Variants in PLXNA2 observed in about 807,000 individuals in gnomAD.
The protein encoded by PLXNA2 is plexin-A2.
Under a neutral mutation model 193.5 loss-of-function variants are expected in PLXNA2, and 91 were observed. The ratio of observed to expected loss-of-function variants is 0.47; its 90% confidence interval spans 0.40 to 0.56. The LOEUF is 0.56. PLXNA2 is among the 20% of genes least tolerant of loss of function. PLXNA2 has a pLI of 0.00. For synonymous variants in PLXNA2, 997 were observed against 1,027.3 expected (o/e 0.97, Z 0.56); for missense variants, 1,995 against 2,503.2 (o/e 0.80, Z 4.33).
intron 8 of PLXNA2, among the ~76,000 whole-genome samples, chr1:208,093,709 G>A (rs140691160): frequency 6.6e-6 from 1 of 152,352 alleles, no homozygotes; most frequent in Non-Finnish European, 1.5e-5. Context: ...GCATGGAACA[G>A]TAGGATATGT....
At chr1:208,207,881 G>A (rs139424380) in intron 3 of PLXNA2, among the ~76,000 whole-genome samples, 4 of 152,298 alleles carry the variant, frequency 2.6e-5, no homozygotes, top group East Asian at 1.9e-4. Context: ...CATAGAAACC[G>A]CCAAAGAAAG....
At chr1:208,226,954 AGCCTTCTGT>A (rs1671529943) in intron 1 of PLXNA2, among the ~76,000 whole-genome samples, 1 of 152,206 alleles carries the variant, frequency 6.6e-6, no homozygotes, top group Admixed American at 6.5e-5. Context: ...GGAGCACTCC[AGCCTTCTGT>A]GCAAACGGAG....
chr1:208,221,564 C>T (rs911845660), intron 1 of PLXNA2, among the ~76,000 whole-genome samples: 2 of 152,102 alleles, frequency 1.3e-5, no homozygotes, highest in African/African-American at 4.8e-5. Flanking sequence ...TGTCATTGGA[C>T]ACTGGAGTCA....
chr1:208,163,372 A>C (rs1669194552), intron 3 of PLXNA2, among the ~76,000 whole-genome samples: 2 of 152,218 alleles, frequency 1.3e-5, no homozygotes, highest in Non-Finnish European at 2.9e-5. Flanking sequence ...TAAAAGTCTC[A>C]GCCTGGGCTG....
intron 4 of PLXNA2, among the ~76,000 whole-genome samples, chr1:208,123,641 C>A (rs1667874656): frequency 6.6e-6 from 1 of 152,216 alleles, no homozygotes; most frequent in Non-Finnish European, 1.5e-5. Context: ...TCCAAAGTGA[C>A]AATTCCCAGT....
chr1:208,224,081 G>A lies in PLXNA2; in HGVS notation c.-80-6079C>T, dbSNP rs575239520. Among the ~76,000 whole-genome samples, 46 of 152,286 alleles carry A rather than the reference G, an allele frequency of 3.0e-4. 1 individual carries two copies. The highest frequency in any genetic ancestry group is 4.8e-4 in the African/African-American group (20 of 41,556). ...TGTACGTGCAAGCATTCTGAGCATCGCTCTGTCTAACACCGACCTTAGAGG... is the reference window on the plus strand; with the variant it reads ...TGTACGTGCAAGCATTCTGAGCATCACTCTGTCTAACACCGACCTTAGAGG... On this transcript the variant is annotated intron_variant, in intron 1 of 31. Coordinates refer to ENST00000367033, the MANE Select transcript of PLXNA2 (RefSeq NM_025179.4).
In PLXNA2 at chr1:208,096,839, G is replaced by A. The variant is rs149213633; in HGVS notation, c.1776C>T (p.Ile592=). The A allele has an allele frequency of 2.3e-3, 3,775 of 1,614,008 alleles. 6 individuals are homozygous for A. Among genetic ancestry groups the A allele is most frequent in the Non-Finnish European group, 2.9e-3 (3,442 of 1,179,998 alleles). The part of the protein sequence containing the change: ...VSDAPDLSAG[I]ACAFGNLTEV... Reference sequence around the variant, plus strand: ...CTGTCAGGTTCCCAAAGGCACAGGCGATACCCGCAGATAGATCAGGAGCAT... The same window carrying A: ...CTGTCAGGTTCCCAAAGGCACAGGCAATACCCGCAGATAGATCAGGAGCAT... Residue 592 remains isoleucine, a synonymous_variant, in exon 7 of 32, where the codon ATC becomes ATT. Coordinates refer to ENST00000367033, the MANE Select transcript of PLXNA2 (RefSeq NM_025179.4).
rs199906891 is a variant in PLXNA2 at position 208,028,030 on chromosome 1, A to G, written c.5568T>C (p.Tyr1856=). Residue 1856 remains tyrosine, a synonymous_variant, in exon 31 of 32, where the codon TAT becomes TAC. Transcript: ENST00000367033. This position sits in a 1 kb window ranked among gnomAD's most constrained non-coding sequence, Gnocchi z 4.2. Reference sequence around the variant, plus strand: ...TCACCTCCTCACTATACTTGCTGACATAGGAGTAGATCTCATTGAGGGCAC... The same window carrying G: ...TCACCTCCTCACTATACTTGCTGACGTAGGAGTAGATCTCATTGAGGGCAC... The part of the protein sequence containing the change: ...MLSALNEIYS[Y]VSKYSEELIG... The G allele has an allele frequency of 1.2e-6, 2 of 1,608,888 alleles. No homozygotes were observed. The highest frequency in any genetic ancestry group is 4.5e-5 in the East Asian group (2 of 44,522).
chr1:208,096,216 A>T (rs546845706), intron 7 of PLXNA2, 91 bp from the exon 8 acceptor site: 3 of 923,056 alleles, frequency 3.3e-6, no homozygotes, highest in Admixed American at 3.5e-5. Flanking sequence ...TCATGAAGCC[A>T]CCACAGGGCT....
In PLXNA2 at chr1:208,028,267, C is replaced by G. The variant is rs1238739048; in HGVS notation, c.5439-108G>C. The G allele has an allele frequency of 9.8e-7, 1 of 1,025,636 alleles. No homozygotes were observed. Among genetic ancestry groups the G allele is most frequent in the Non-Finnish European group, 1.4e-6 (1 of 712,606 alleles). 63.5% of individuals were successfully genotyped at this position (1,025,636 alleles called of 1,614,324 possible). A position where few individuals can be genotyped will look rare whatever the true frequency, so the allele number is the denominator to read the frequency against. On this transcript the variant is annotated intron_variant, in intron 30 of 31. Coordinates refer to ENST00000367033, the MANE Select transcript of PLXNA2 (RefSeq NM_025179.4). The surrounding 1 kb of genome is among the most constrained non-coding windows in gnomAD (Gnocchi z 4.2). ...GCACTGATGTACCCAGTTGCTCCTG[C>G]CTCCCTATTTCTCTTCTGATGTGGC... is the stretch of plus-strand genomic sequence containing the variant.
intron 3 of PLXNA2, among the ~76,000 whole-genome samples, chr1:208,155,707 G>A (rs1668918543): frequency 6.6e-6 from 1 of 152,180 alleles, no homozygotes; most frequent in Non-Finnish European, 1.5e-5. Flanking sequence ...ACACCCGGCT[G>A]CACTGGACTT....
At chr1:208,234,045 G>A (rs1300558659) in intron 1 of PLXNA2, among the ~76,000 whole-genome samples, 6 of 152,280 alleles carry the variant, frequency 3.9e-5, no homozygotes, top group Non-Finnish European at 8.8e-5. Flanking sequence ...AACCAAGGAA[G>A]AGAGAGATGG....
In PLXNA2 at chr1:208,236,108, C is replaced by T. The variant is rs1671842180; in HGVS notation, c.-81+7535G>A. ...CTGCCCTAAAACGTGGAGTGGAGAC[C>T]TGGAACGAGAGCTTTGCTGACTCAC... On this transcript the variant is annotated intron_variant, in intron 1 of 31. Coordinates refer to ENST00000367033, the MANE Select transcript of PLXNA2 (RefSeq NM_025179.4). The surrounding 1 kb of genome is among the most constrained non-coding windows in gnomAD (Gnocchi z 4.4). 6.6e-6 allele frequency among the ~76,000 whole-genome samples: 1 copy of T among 152,152 alleles called. No homozygotes were observed. The highest frequency in any genetic ancestry group is 2.1e-4 in the South Asian group (1 of 4,830).
intron 3 of PLXNA2, among the ~76,000 whole-genome samples, chr1:208,153,431 G>A (rs543505890): frequency 6.6e-6 from 1 of 152,292 alleles, no homozygotes; most frequent in East Asian, 1.9e-4. Flanking sequence ...AGAGAAAAAT[G>A]AGTAGAGAAA....
rs1208478542 is a variant in PLXNA2 at position 208,236,439 on chromosome 1, C to T, written c.-81+7204G>A. Reference sequence around the variant, plus strand: ...TGTCTGCCCGCTGGTCCTGCTGCCTCTATAAGGCAAGGCAGGGCTTTTCTA... The same window carrying T: ...TGTCTGCCCGCTGGTCCTGCTGCCTTTATAAGGCAAGGCAGGGCTTTTCTA... On this transcript the variant is annotated intron_variant, in intron 1 of 31. Coordinates refer to ENST00000367033, the MANE Select transcript of PLXNA2 (RefSeq NM_025179.4). This position sits in a 1 kb window ranked among gnomAD's most constrained non-coding sequence, Gnocchi z 4.4. Among the ~76,000 whole-genome samples, 5 of 152,268 alleles carry T rather than the reference C, an allele frequency of 3.3e-5. No individual in the cohort carries two copies. Among genetic ancestry groups the T allele is most frequent in the Non-Finnish European group, 7.4e-5 (5 of 68,018 alleles).
At chr1:208,200,577 C>CTTTTTTTTT (rs36026400) in intron 3 of PLXNA2, among the ~76,000 whole-genome samples, 11 of 113,998 alleles carry the variant, frequency 9.6e-5, no homozygotes, top group Non-Finnish European at 1.7e-4. Context: ...CCCAATCCTT[C>CTTTTTTTTT]TTTTTTTTTT....
intron 3 of PLXNA2, among the ~76,000 whole-genome samples, chr1:208,187,928 A>G (rs1185374607): frequency 6.6e-6 from 1 of 152,200 alleles, no homozygotes; most frequent in Non-Finnish European, 1.5e-5. Context: ...TGAAGGAGGA[A>G]CTGAAATGAT....
At chr1:208,191,909 G>A (rs981723353) in intron 3 of PLXNA2, among the ~76,000 whole-genome samples, 3 of 152,268 alleles carry the variant, frequency 2.0e-5, no homozygotes, top group East Asian at 1.9e-4. Context: ...ACAAAGCCCC[G>A]AGGTGAGAAC....
intron 5 of PLXNA2, among the ~76,000 whole-genome samples, chr1:208,100,008 T>A (rs1667042099): frequency 6.6e-6 from 1 of 152,072 alleles, no homozygotes; most frequent in African/African-American, 2.4e-5. Context: ...TCAGACCTGT[T>A]ACCTACTAGC....
Sources: gnomAD v4.1 joint callset for allele counts (sites outside exome capture counted in the v4.1 genomes callset) on GRCh38, gnomAD v4.1.1 for gene constraint, Gnocchi (gnomAD v3.1) non-coding constraint, MANE v1.5 for transcripts, NCBI Gene and HGNC (gene_info 2026-07-23, HGNC 2026-07-21) for gene names.